The following CHRNA7 variants were observed in gnomAD, a reference collection of about 807,000 sequenced individuals.
CHRNA7 encodes the protein cholinergic receptor nicotinic alpha 7 subunit.
CHRNA7 carries 17 observed loss-of-function variants against 48.0 expected under a neutral mutation model. The ratio of observed to expected loss-of-function variants is 0.35; its 90% CI spans 0.24 to 0.53. CHRNA7 has a LOEUF of 0.53. CHRNA7 is among the 20% of genes least tolerant of loss of function. CHRNA7 has a pLI of 0.92. For synonymous variants in CHRNA7, 75 were observed against 242.3 expected, an observed-to-expected ratio of 0.31 and a Z score of 6.41; for missense variants, 155 against 577.7, an observed-to-expected ratio of 0.27 and a Z score of 7.50.
intron 4 of CHRNA7, among the ~76,000 whole-genome samples, chr15:32,130,880 A>T (rs983032449): frequency 6.6e-6 from 1 of 151,892 alleles, no homozygotes; most frequent in South Asian, 2.1e-4. Flanking sequence ...TTTTTTCTTC[A>T]TCTGAAAATG....
intron 4 of CHRNA7, chr15:32,112,204 C>T (rs1446292244): frequency 1.9e-6 from 1 of 527,472 alleles, no homozygotes; most frequent in African/African-American, 1.9e-5. Context: ...AGTATTCTTG[C>T]ATAAGGCAGT....
intron 4 of CHRNA7, among the ~76,000 whole-genome samples, chr15:32,140,526 C>G (rs901650640): frequency 3.3e-5 from 5 of 152,208 alleles, no homozygotes; most frequent in African/African-American, 1.2e-4. Context: ...AACTAGTTTA[C>G]ACTCCCACCA....
At chr15:32,068,742 A>G (rs1478095673) in intron 2 of CHRNA7, among the ~76,000 whole-genome samples, 1 of 152,200 alleles carries the variant, frequency 6.6e-6, no homozygotes, top group Non-Finnish European at 1.5e-5. Flanking sequence ...AAAAAAGAAA[A>G]AAGTGTTACT....
intron 4 of CHRNA7, among the ~76,000 whole-genome samples, chr15:32,137,040 A>AAAAAAT (rs2051278752): frequency 6.8e-6 from 1 of 146,566 alleles, no homozygotes; most frequent in African/African-American, 2.6e-5. Flanking sequence ...TCAAAAAAAA[A>AAAAAAT]AAAAAAGAAA....
intron 2 of CHRNA7, among the ~76,000 whole-genome samples, chr15:32,089,237 T>C (rs1241534935): frequency 6.6e-6 from 1 of 152,208 alleles, no homozygotes; most frequent in African/African-American, 2.4e-5. Flanking sequence ...TCTGCTCTGC[T>C]CTCGCTTTTG....
intron 2 of CHRNA7, among the ~76,000 whole-genome samples, chr15:32,040,289 T>C (rs1031770646): frequency 2.0e-5 from 3 of 152,118 alleles, no homozygotes; most frequent in Non-Finnish European, 4.4e-5. Flanking sequence ...TGTTACTGAT[T>C]TTTTTGTTGT....
chr15:32,148,917 C>T (rs1373819137), intron 4 of CHRNA7, among the ~76,000 whole-genome samples: 4 of 152,184 alleles, frequency 2.6e-5, no homozygotes, highest in Non-Finnish European at 5.9e-5. Flanking sequence ...TCCTTTAAAG[C>T]CTATGCAGAC....
Position 32,116,092 on chromosome 15 carries a change from C to T in CHRNA7, c.350+4193C>T, listed in dbSNP as rs1282373086. 2.0e-5 allele frequency among the ~76,000 whole-genome samples: 3 copies of T among 152,294 alleles called. No homozygotes were observed. In the South Asian group the frequency reaches 6.2e-4, roughly 32 times the overall value. On this transcript the variant is annotated intron_variant, in intron 4 of 9. Transcript: ENST00000306901. ...AAAATAATATGTTCTGCTTAGTAGA[C>T]TCATCTGTTAGTTCATTATGGTCTG...
intron 2 of CHRNA7, among the ~76,000 whole-genome samples, chr15:32,050,902 A>G (rs2049659251): frequency 1.3e-5 from 2 of 152,132 alleles, no homozygotes; most frequent in Admixed American, 6.5e-5. Context: ...GGAGTTTGCT[A>G]GAGGTCCACT....
At chr15:32,143,819 T>A (rs185659710) in intron 4 of CHRNA7, among the ~76,000 whole-genome samples, 253 of 152,284 alleles carry the variant, frequency 1.7e-3, no homozygotes, top group Non-Finnish European at 2.8e-3. Flanking sequence ...TGTCTCTGCA[T>A]GTGAGATGGG....
chr15:32,051,527 G>A (rs899196617), intron 2 of CHRNA7, among the ~76,000 whole-genome samples: 12 of 152,034 alleles, frequency 7.9e-5, no homozygotes, highest in Non-Finnish European at 1.6e-4. Context: ...GGTGGGAGTG[G>A]CCCGATTTTC....
chr15:32,065,146 G>A (rs2141209883), intron 2 of CHRNA7, among the ~76,000 whole-genome samples: 1 of 152,250 alleles, frequency 6.6e-6, no homozygotes, highest in Admixed American at 6.5e-5. Flanking sequence ...TATAAAAATA[G>A]GCCGAATCTT....
intron 4 of CHRNA7, among the ~76,000 whole-genome samples, chr15:32,113,253 G>C (rs1038122497): frequency 6.6e-6 from 1 of 152,098 alleles, no homozygotes; most frequent in Non-Finnish European, 1.5e-5. Flanking sequence ...CGTGACCTTC[G>C]CTTGTCTCTG....
rs114283140 is a variant in CHRNA7, at chr15:32,033,821, T to C, written c.195+2784T>C. Among the ~76,000 whole-genome samples, 440 of 152,304 alleles carry C rather than the reference T, an allele frequency of 2.9e-3. 2 individuals are homozygous for C. Among genetic ancestry groups the C allele is most frequent in the African/African-American group, 0.01 (420 of 41,574 alleles). ...CTGTTCTAGAGACCATAGTAGTTGGTTTTCCTACTCCCAAATATTGTTATT... is the reference window on the plus strand; with the variant it reads ...CTGTTCTAGAGACCATAGTAGTTGGCTTTCCTACTCCCAAATATTGTTATT... On this transcript the variant is annotated intron_variant, in intron 2 of 9. Coordinates refer to ENST00000306901, the MANE Select transcript of CHRNA7 (RefSeq NM_000746.6).
intron 2 of CHRNA7, among the ~76,000 whole-genome samples, chr15:32,093,353 A>G (rs946064066): frequency 3.3e-5 from 5 of 152,186 alleles, no homozygotes; most frequent in Non-Finnish European, 7.3e-5. Flanking sequence ...ATAGAAGGAA[A>G]GGAAACCTTT....
At chr15:32,102,325 T>A (rs1350818710) in intron 3 of CHRNA7, 1 of 152,156 alleles carries the variant, frequency 6.6e-6, no homozygotes, top group African/African-American at 2.4e-5. Flanking sequence ...TTGTATTTTT[T>A]AGTAGAGACA....
At chr15:32,059,137 G>C (rs1324085011) in intron 2 of CHRNA7, among the ~76,000 whole-genome samples, 1 of 152,110 alleles carries the variant, frequency 6.6e-6, no homozygotes, top group Non-Finnish European at 1.5e-5. Flanking sequence ...CCGAGTGGCT[G>C]AGACTACAGG....
At chr15:32,104,326 C>G (rs1303440282) in intron 3 of CHRNA7, among the ~76,000 whole-genome samples, 2 of 152,048 alleles carry the variant, frequency 1.3e-5, no homozygotes, top group African/African-American at 4.8e-5. Flanking sequence ...AAGACTCGTC[C>G]CTAAGAACCA....
intron 4 of CHRNA7, among the ~76,000 whole-genome samples, chr15:32,135,866 G>A (rs2051247422): frequency 6.6e-6 from 1 of 152,152 alleles, no homozygotes; most frequent in Non-Finnish European, 1.5e-5. Context: ...ATGGCAATTA[G>A]ACTGACTGCA....
Sources: gnomAD v4.1 joint callset for allele counts (sites outside exome capture counted in the v4.1 genomes callset) on GRCh38, gnomAD v4.1.1 for gene constraint, MANE v1.5 for transcripts, NCBI Gene and HGNC (gene_info 2026-07-23, HGNC 2026-07-21) for gene names.